WFDC12: variants seen among roughly 807,000 people sequenced by gnomAD.
WFDC12 encodes WAP four-disulfide core domain protein 12.
A neutral mutation model predicts 7.3 loss-of-function variants in WFDC12; 4 were observed. That is an observed-to-expected ratio of 0.55 (90% confidence interval 0.27 to 1.25). WFDC12 has a LOEUF of 1.25. WFDC12 is among the 50% of genes most tolerant of loss of function. The probability of loss-of-function intolerance (pLI) is 0.12; values close to 1 mark genes in which losing one functional copy is unlikely to be tolerated. For synonymous variants in WFDC12, 48 were observed against 49.5 expected, an observed-to-expected ratio of 0.97 and a Z score of 0.13; for missense variants, 156 against 134.4, an observed-to-expected ratio of 1.16 and a Z score of -0.80.
Position 45,124,395 on chromosome 20 carries a change from A to G in WFDC12, c.53T>C (p.Leu18Pro), listed in dbSNP as rs1424869386. ...VLMVSLVLVT[L>P]VAVEGVKEGI... ...CTCTTTAACTCCTTCCACAGCCACCAGGGTCACAAGAACGAGAGACACCAT... is the reference window on the plus strand; with the variant it reads ...CTCTTTAACTCCTTCCACAGCCACCGGGGTCACAAGAACGAGAGACACCAT... The change falls in exon 1 of 3, where the codon CTG becomes CCG. Residue 18 changes from leucine to proline, a missense_variant. Leu to Pro is a moderately conservative substitution (Grantham distance 98). Coordinates refer to ENST00000372785, the MANE Select transcript of WFDC12 (RefSeq NM_080869.2). 6.2e-7 allele frequency: 1 copy of G among 1,614,060 alleles called. No homozygotes were observed. The highest frequency in any genetic ancestry group is 1.3e-5 in the African/African-American group (1 of 74,920).
At chr20:45,124,329 C>T (rs1981937711) in intron 1 of WFDC12, 40 bp downstream of exon 1, 3 of 1,613,744 alleles carry the variant, frequency 1.9e-6, no homozygotes, top group Non-Finnish European at 2.5e-6. Context: ...CAGGACCTCT[C>T]CCCAGCCCAG....
At chr20:45,124,049 T>C in intron 2 of WFDC12, 58 bp downstream of exon 2, 1 of 1,611,434 alleles carries the variant, frequency 6.2e-7, no homozygotes, top group Admixed American at 1.7e-5. Context: ...CGAACTTTCA[T>C]GGGTCAGATA....
Position 45,123,512 on chromosome 20 carries a change from G to T in WFDC12, c.*334C>A. ...GGCACCAGCAGATTCAGCATCTGGT[G>T]AGGACCAGTTTCTCTTCTCTGACAG... On this transcript the variant is annotated 3_prime_UTR_variant, in exon 3 of 3. Coordinates refer to ENST00000372785, the MANE Select transcript of WFDC12 (RefSeq NM_080869.2). 3.1e-6 allele frequency: 1 copy of T among 319,682 alleles called. No individual in the cohort carries two copies. Among genetic ancestry groups the T allele is most frequent in the Admixed American group, 4.6e-5 (1 of 21,844 alleles). 19.8% of individuals were successfully genotyped at this position (319,682 alleles called of 1,614,324 possible). A position where few individuals can be genotyped will look rare whatever the true frequency, so the allele number is the denominator to read the frequency against.
intron 1 of WFDC12, 21 bp from the exon 2 acceptor site, chr20:45,124,286 G>A (rs374153307): frequency 4.0e-5 from 64 of 1,613,956 alleles, no homozygotes; most frequent in Non-Finnish European, 5.1e-5. Context: ...AAGCCACAAG[G>A]TGATATGAGA....
rs1981918045 is a variant in WFDC12, at chr20:45,123,623, G to A, written c.*223C>T. On this transcript the variant is annotated 3_prime_UTR_variant, in exon 3 of 3. Coordinates refer to ENST00000372785, the MANE Select transcript of WFDC12 (RefSeq NM_080869.2). Reference sequence around the variant, plus strand: ...AAGGGCACTGGTTTCATTCATGAGGGGTCCATTCATGAGCATTAGGGAGGA... The same window carrying A: ...AAGGGCACTGGTTTCATTCATGAGGAGTCCATTCATGAGCATTAGGGAGGA... The A allele has an allele frequency of 1.7e-6, 1 of 585,270 alleles. No individual in the cohort carries two copies. Among genetic ancestry groups the A allele is most frequent in the African/African-American group, 1.9e-5 (1 of 53,506 alleles). The allele number at this position is 585,270 out of a possible 1,614,324, so 36.3% of individuals were successfully genotyped here. A position where few individuals can be genotyped will look rare whatever the true frequency, so the allele number is the denominator to read the frequency against.
In WFDC12 at chr20:45,124,205, G is replaced by A; in HGVS notation, c.140C>T (p.Pro47Leu). The A allele has an allele frequency of 2.5e-6, 4 of 1,614,172 alleles. No homozygotes were observed. Among genetic ancestry groups the A allele is most frequent in the Non-Finnish European group, 3.4e-6 (4 of 1,180,038 alleles). Reference sequence around the variant, plus strand: ...ACAGTCCTGGTCTGTGTGACACTGGGGAGGATCGGACTTGAAGCAGCGTAC... The same window carrying A: ...ACAGTCCTGGTCTGTGTGACACTGGAGAGGATCGGACTTGAAGCAGCGTAC... ...DNVRCFKSDPPQCHTDQDCLG... is the reference protein window; with the variant it reads ...DNVRCFKSDPLQCHTDQDCLG... The change falls in exon 2 of 3, where the codon CCC becomes CTC. Residue 47 changes from proline (P) to leucine (L), a missense_variant. Pro to Leu is a moderately conservative substitution (Grantham distance 98, BLOSUM62 -3). Transcript: ENST00000372785.
In WFDC12 at chr20:45,123,562, T is replaced by A. The variant is rs925099736; in HGVS notation, c.*284A>T. The A allele has an allele frequency of 1.1e-5, 5 of 462,548 alleles. No homozygotes were observed. The highest frequency in any genetic ancestry group is 9.8e-5 in the African/African-American group (5 of 50,900). The allele number at this position is 462,548 out of a possible 1,614,324, so 28.7% of individuals were successfully genotyped here. The stretch of plus-strand genomic sequence containing the variant: ...GTGCCTTCTAGCTGTGATCACACAT[T>A]GCAGAAGGGCAAGGCAGCTCTTTGG... On this transcript the variant is annotated 3_prime_UTR_variant, in exon 3 of 3. Transcript: ENST00000372785.
rs1981916993 is a variant in WFDC12, at chr20:45,123,575, G to A, written c.*271C>T. On this transcript the variant is annotated 3_prime_UTR_variant, in exon 3 of 3. Transcript: ENST00000372785. Reference sequence around the variant, plus strand: ...GTGATCACACATTGCAGAAGGGCAAGGCAGCTCTTTGGGGTCTCTTATAAG... The same window carrying A: ...GTGATCACACATTGCAGAAGGGCAAAGCAGCTCTTTGGGGTCTCTTATAAG... 2.0e-6 allele frequency: 1 copy of A among 497,584 alleles called. No individual in the cohort carries two copies. Among genetic ancestry groups the A allele is most frequent in the East Asian group, 3.6e-5 (1 of 27,826 alleles). 30.8% of individuals were successfully genotyped at this position (497,584 alleles called of 1,614,324 possible).
chr20:45,124,292 T>C (rs778141147), intron 1 of WFDC12, 27 bp from the exon 2 acceptor site: 2 of 1,614,094 alleles, frequency 1.2e-6, no homozygotes, highest in East Asian at 2.2e-5. Context: ...CAAGGTGATA[T>C]GAGAACTCCA....
At position 45,123,602 on chromosome 20, in the gene WFDC12, G is replaced by T. The variant is rs575493002; in HGVS notation, c.*244C>A. On this transcript the variant is annotated 3_prime_UTR_variant, in exon 3 of 3. Coordinates refer to ENST00000372785, the MANE Select transcript of WFDC12 (RefSeq NM_080869.2). ...CAGCTCTTTGGGGTCTCTTATAAGG[G>T]CACTGGTTTCATTCATGAGGGGTCC... 3.6e-6 allele frequency: 2 copies of T among 560,564 alleles called. No homozygotes were observed. The highest frequency in any genetic ancestry group is 6.4e-6 in the Non-Finnish European group (2 of 314,250). 34.7% of individuals were successfully genotyped at this position (560,564 alleles called of 1,614,324 possible). A position where few individuals can be genotyped will look rare whatever the true frequency, so the allele number is the denominator to read the frequency against.
rs1369536071 is a variant in WFDC12 at position 45,124,239 on chromosome 20, C to T, written c.106G>A (p.Ala36Thr). The T allele has an allele frequency of 6.2e-7, 1 of 1,614,224 alleles. No individual in the cohort carries two copies. The highest frequency in any genetic ancestry group is 2.2e-5 in the East Asian group (1 of 44,880). The change falls in exon 2 of 3, where the codon GCT becomes ACT. Residue 36 changes from alanine (A) to threonine (T), a missense_variant. Ala to Thr is a moderately conservative substitution (Grantham distance 58). Coordinates refer to ENST00000372785, the MANE Select transcript of WFDC12 (RefSeq NM_080869.2). ...EGIEKAGVCP[A>T]DNVRCFKSDP... ...GACTTGAAGCAGCGTACGTTGTCAG[C>T]TGGGCAAACCCCTGCTTTCTCTATA... is the stretch of plus-strand genomic sequence containing the variant.
chr20:45,124,077 GC>G (rs1392792007), intron 2 of WFDC12, 29 bp downstream of exon 2: 7 of 1,613,250 alleles, frequency 4.3e-6, no homozygotes, highest in Non-Finnish European at 5.9e-6. Flanking sequence ...GGAAGGGACA[GC>G]CCCAGCCCTG....
At position 45,123,647 on chromosome 20, in the gene WFDC12, G is replaced by C. The variant is rs538512494; in HGVS notation, c.*199C>G. 2.9e-5 allele frequency: 18 copies of C among 619,584 alleles called. No individual in the cohort carries two copies. In the African/African-American group the frequency reaches 3.3e-4, roughly 11 times the overall value. The allele number at this position is 619,584 out of a possible 1,614,324, so 38.4% of individuals were successfully genotyped here. A position where few individuals can be genotyped will look rare whatever the true frequency, so the allele number is the denominator to read the frequency against. ...GGGTCCATTCATGAGCATTAGGGAG[G>C]AGCACCAGGTAGAGAGGGAAAGTAC... On this transcript the variant is annotated 3_prime_UTR_variant, in exon 3 of 3. Transcript: ENST00000372785.
Position 45,124,157 on chromosome 20 carries a change from T to A in WFDC12, c.188A>T (p.Tyr63Phe), listed in dbSNP as rs1183886188. ...CACACACTTGAAGCCACAGTGCAGGTAACAACACTTCCTTTCCCCCAGACA... is the reference window on the plus strand; with the variant it reads ...CACACACTTGAAGCCACAGTGCAGGAAACAACACTTCCTTTCCCCCAGACA... ...QDCLGERKCCYLHCGFKCVIP... is the reference protein window; with the variant it reads ...QDCLGERKCCFLHCGFKCVIP... Residue 63 changes from tyrosine to phenylalanine, a missense_variant, in exon 2 of 3, where the codon TAC becomes TTC. Physicochemically the swap from Tyr to Phe is conservative, Grantham distance 22. Transcript: ENST00000372785. The A allele has an allele frequency of 6.2e-7, 1 of 1,614,128 alleles. No homozygotes were observed. Among genetic ancestry groups the A allele is most frequent in the East Asian group, 2.2e-5 (1 of 44,876 alleles).
chr20:45,123,561 T>G lies in WFDC12; in HGVS notation c.*285A>C. 1 of 460,856 alleles carries G rather than the reference T, an allele frequency of 2.2e-6. No individual in the cohort carries two copies. The allele number at this position is 460,856 out of a possible 1,614,324, so 28.5% of individuals were successfully genotyped here. A position where few individuals can be genotyped will look rare whatever the true frequency, so the allele number is the denominator to read the frequency against. ...AGTGCCTTCTAGCTGTGATCACACA[T>G]TGCAGAAGGGCAAGGCAGCTCTTTG... On this transcript the variant is annotated 3_prime_UTR_variant, in exon 3 of 3. Transcript: ENST00000372785.
In WFDC12 at chr20:45,123,802, G is replaced by A. The variant is rs780988669; in HGVS notation, c.*44C>T. On this transcript the variant is annotated 3_prime_UTR_variant, in exon 3 of 3. Transcript: ENST00000372785. ...CCAAGTCTCAGGACCCTCAGGGGCA[G>A]GTGCCAAGTGAGAGTGACCCCCAGA... The A allele has an allele frequency of 6.3e-7, 1 of 1,590,682 alleles. No individual in the cohort carries two copies. The highest frequency in any genetic ancestry group is 1.1e-5 in the South Asian group (1 of 90,592).
chr20:45,123,891 C>T lies in WFDC12; in HGVS notation c.291G>A (p.Glu97=), dbSNP rs767292424. 31 of 1,613,492 alleles carry T rather than the reference C, an allele frequency of 1.9e-5. No homozygotes were observed. The Admixed American group carries it at 4.3e-4, about 23-fold the overall frequency. Residue 97 remains glutamate (E), a synonymous_variant, in exon 3 of 3, where the codon GAG becomes GAA. Coordinates refer to ENST00000372785, the MANE Select transcript of WFDC12 (RefSeq NM_080869.2). The part of the protein sequence containing the change: ...VSRPYPEPGW[E]AKCPGSSSTR... ...TAGAGGAGGAGCCTGGACACTTGGC[C>T]TCCCATCCTGGCTCAGGGTATGGCC...
intron 2 of WFDC12, 61 bp from the exon 3 acceptor site, chr20:45,124,004 T>TC: frequency 1.3e-6 from 2 of 1,595,982 alleles, no homozygotes; most frequent in Non-Finnish European, 1.7e-6. Context: ...GCTTTAGCCA[T>TC]CCCTCCCCAC....
Position 45,123,557 on chromosome 20 carries a change from C to T in WFDC12, c.*289G>A, listed in dbSNP as rs1356908011. On this transcript the variant is annotated 3_prime_UTR_variant, in exon 3 of 3. Transcript: ENST00000372785. ...TGACAGTGCCTTCTAGCTGTGATCA[C>T]ACATTGCAGAAGGGCAAGGCAGCTC... 1 of 444,398 alleles carries T rather than the reference C, an allele frequency of 2.3e-6. No individual in the cohort carries two copies. Among genetic ancestry groups the T allele is most frequent in the Non-Finnish European group, 4.1e-6 (1 of 245,478 alleles). 27.5% of individuals were successfully genotyped at this position (444,398 alleles called of 1,614,324 possible). A position where few individuals can be genotyped will look rare whatever the true frequency, so the allele number is the denominator to read the frequency against.
Sources: gnomAD v4.1 joint callset for allele counts on GRCh38, gnomAD v4.1.1 for gene constraint, MANE v1.5 for transcripts, NCBI Gene and HGNC (gene_info 2026-07-23, HGNC 2026-07-21) for gene names.